MYO18B: variants seen among roughly 807,000 people sequenced by gnomAD.
MYO18B encodes the protein myosin XVIIIB.
In MYO18B, 204 loss-of-function variants were observed where a neutral mutation model predicts 273.0. That is an observed-to-expected ratio of 0.75 (90% CI 0.67 to 0.84). The LOEUF (loss-of-function observed/expected upper bound fraction) is 0.84. MYO18B is among the 40% of genes least tolerant of loss of function. The pLI is 0.00. For synonymous variants in MYO18B, 1,330 were observed against 1,305.7 expected (o/e 1.02, Z -0.40); for missense variants, 3,212 against 3,287.6 (o/e 0.98, Z 0.56).
chr22:25,877,079 G>A (rs2091220471), intron 24 of MYO18B: 1 of 152,238 alleles, frequency 6.6e-6, no homozygotes, highest in Non-Finnish European at 1.5e-5. Flanking sequence ...ATGAAGTGCT[G>A]AGCACCGTGT....
Position 25,828,797 on chromosome 22 carries a change from C to G in MYO18B, c.2808C>G (p.Leu936=). Reference sequence around the variant, plus strand: ...CTAGATCCTTTTCCTCCCACCATCTCTCCATGGCCTCCATCATGGTGGTGG... The same window carrying G: ...CTAGATCCTTTTCCTCCCACCATCTGTCCATGGCCTCCATCATGGTGGTGG... ...LINRSFSSHH[L]SMASIMVVDS... The change falls in exon 15 of 44, where the codon CTC becomes CTG. Residue 936 remains leucine, a synonymous_variant. Transcript: ENST00000335473. 1 of 1,613,816 alleles carries G rather than the reference C, an allele frequency of 6.2e-7. No homozygotes were observed. The highest frequency in any genetic ancestry group is 8.5e-7 in the Non-Finnish European group (1 of 1,179,870).
intron 40 of MYO18B, among the ~76,000 whole-genome samples, chr22:25,994,521 G>T (rs1933022973): frequency 7.9e-6 from 1 of 127,150 alleles, no homozygotes; most frequent in African/African-American, 3.4e-5. Context: ...GTAAATAAAA[G>T]ACTTTGTCTT....
At chr22:25,834,069 G>A (rs2089809916) in intron 16 of MYO18B, among the ~76,000 whole-genome samples, 1 of 152,094 alleles carries the variant, frequency 6.6e-6, no homozygotes, top group Non-Finnish European at 1.5e-5. Context: ...CTGAAGGGCT[G>A]ATTTAGCAGT....
intron 39 of MYO18B, among the ~76,000 whole-genome samples, chr22:25,963,489 C>T (rs1176042081): frequency 6.7e-6 from 1 of 149,306 alleles, no homozygotes; most frequent in Non-Finnish European, 1.5e-5. Context: ...TCTTCTCTTT[C>T]TGTCTCCATG....
chr22:25,868,517 T>C (rs2090956075), intron 22 of MYO18B, 132 bp downstream of exon 22: 1 of 721,784 alleles, frequency 1.4e-6, no homozygotes, highest in African/African-American at 1.8e-5. Flanking sequence ...GTAGAGCTAA[T>C]GATTTTCTGC....
At chr22:25,789,822 C>G (rs1282108055) in intron 11 of MYO18B, among the ~76,000 whole-genome samples, 1 of 152,080 alleles carries the variant, frequency 6.6e-6, no homozygotes, top group African/African-American at 2.4e-5. Flanking sequence ...ATTTTTCCTG[C>G]AAATATTTTA....
intron 29 of MYO18B, among the ~76,000 whole-genome samples, chr22:25,901,806 GTTTTT>G (rs34278088): frequency 1.8e-4 from 17 of 92,208 alleles, no homozygotes; most frequent in African/African-American, 3.5e-4. Context: ...TTTTGGGTTG[GTTTTT>G]TTTTTTTTTT....
rs2091295777 is a variant in MYO18B at position 25,880,008 on chromosome 22, T to C, written c.4314+1960T>C. On this transcript the variant is annotated intron_variant, in intron 25 of 43. Coordinates refer to ENST00000335473, the MANE Select transcript of MYO18B (RefSeq NM_032608.7). ...TCCCACCAGGCCCTTCCTCCAACAC[T>C]AGGGATTACAATTTGATATGAGGTT... Among the ~76,000 whole-genome samples, 5 of 152,238 alleles carry C rather than the reference T, an allele frequency of 3.3e-5. No homozygotes were observed. In the South Asian group the frequency reaches 1.0e-3, roughly 32 times the overall value.
chr22:26,035,024 C>T (rs372033255), downstream of MYO18B, among the ~76,000 whole-genome samples: 1 of 152,150 alleles, frequency 6.6e-6, no homozygotes, highest in African/African-American at 2.4e-5. Flanking sequence ...CATACATTGG[C>T]CATGTCCCTA....
rs145765447 is a variant in MYO18B, at chr22:25,941,038, T to C, written c.5518-5099T>C. ...TAGTACGCACGGAGGAAGGTGCTTT[T>C]TCTAGCTATTGAAAGTGTTTTGGTG... On this transcript the variant is annotated intron_variant, in intron 34 of 43. Transcript: ENST00000335473. Among the ~76,000 whole-genome samples, 542 of 152,340 alleles carry C rather than the reference T, an allele frequency of 3.6e-3. 7 individuals are homozygous for C. Among genetic ancestry groups the C allele is most frequent in the African/African-American group, 0.012 (519 of 41,572 alleles).
At chr22:25,982,610 G>C (rs2093160896) in intron 39 of MYO18B, among the ~76,000 whole-genome samples, 1 of 152,166 alleles carries the variant, frequency 6.6e-6, no homozygotes, top group South Asian at 2.1e-4. Flanking sequence ...GTGTCTGCCA[G>C]CATTTCTTGG....
At chr22:25,950,663 C>A (rs2092782522) in intron 37 of MYO18B, among the ~76,000 whole-genome samples, 1 of 152,060 alleles carries the variant, frequency 6.6e-6, no homozygotes, top group African/African-American at 2.4e-5. Context: ...CCTCTGCCTG[C>A]CAGGTTCAAG....
intron 35 of MYO18B, among the ~76,000 whole-genome samples, chr22:25,946,753 A>C (rs938216393): frequency 6.6e-6 from 1 of 152,168 alleles, no homozygotes; most frequent in Non-Finnish European, 1.5e-5. Flanking sequence ...CCATCATGAG[A>C]TGGAACTTGT....
chr22:25,854,471 A>T (rs2090511736), intron 21 of MYO18B, among the ~76,000 whole-genome samples: 1 of 152,146 alleles, frequency 6.6e-6, no homozygotes, highest in African/African-American at 2.4e-5. Context: ...AGGCTCTCAG[A>T]TTCCTGACAT....
intron 25 of MYO18B, among the ~76,000 whole-genome samples, chr22:25,879,130 G>A (rs2091273153): frequency 6.6e-6 from 1 of 152,210 alleles, no homozygotes; most frequent in African/African-American, 2.4e-5. Flanking sequence ...TGTAAATAAA[G>A]TTTTATTGGA....
chr22:25,819,037 AG>A (rs34502941), intron 12 of MYO18B, among the ~76,000 whole-genome samples: 4,700 of 152,156 alleles, frequency 0.031, 138 homozygotes, highest in East Asian at 0.12. Context: ...GTGCCAACTC[AG>A]GGTTCTTGAC....
At chr22:25,821,326 C>A (rs1211423505) in intron 12 of MYO18B, among the ~76,000 whole-genome samples, 2 of 149,664 alleles carry the variant, frequency 1.3e-5, no homozygotes, top group African/African-American at 5.0e-5. Flanking sequence ...TGCATCCTTG[C>A]CAGCACTTTT....
intron 13 of MYO18B, among the ~76,000 whole-genome samples, chr22:25,825,633 A>G (rs548676434): frequency 2.6e-5 from 4 of 152,220 alleles, no homozygotes; most frequent in South Asian, 2.1e-4. Flanking sequence ...CACTTTTCCA[A>G]TCTCATTCAG....
At chr22:26,056,921 T>C in the MYO18B span, among the ~76,000 whole-genome samples, 5 of 152,138 alleles carry the variant, frequency 3.3e-5, no homozygotes, top group East Asian at 1.9e-4. Flanking sequence ...AAGTCGGTAA[T>C]TGGCCCGACA....
Sources: gnomAD v4.1 joint callset for allele counts (sites outside exome capture counted in the v4.1 genomes callset) on GRCh38, gnomAD v4.1.1 for gene constraint, MANE v1.5 for transcripts, NCBI Gene and HGNC (gene_info 2026-07-23, HGNC 2026-07-21) for gene names.